Variants in RBFOX1 observed in about 807,000 individuals in gnomAD.
RBFOX1 encodes RNA binding protein fox-1 homolog 1.
Under a neutral mutation model 57.7 loss-of-function variants are expected in RBFOX1, and 8 were observed. The observed-to-expected ratio is 0.14, with a 90% CI of 0.08 to 0.25. The LOEUF (loss-of-function observed/expected upper bound fraction) is 0.25. RBFOX1 is among the 10% of genes least tolerant of loss of function. The pLI, the probability that RBFOX1 is intolerant of heterozygous loss-of-function variation, is 1.00. For synonymous variants in RBFOX1, 326 were observed against 222.4 expected (o/e 1.47, Z -4.15); for missense variants, 611 against 548.5 (o/e 1.11, Z -1.14).
chr16:5,722,592 G>T (rs1156510411), intron 3 of RBFOX1, among the ~76,000 whole-genome samples: 1 of 152,136 alleles, frequency 6.6e-6, no homozygotes, highest in African/African-American at 2.4e-5. Context: ...ATCTTTATCA[G>T]TGAAATCTTT....
chr16:7,144,417 C>CTTTTT lies in RBFOX1; in HGVS notation c.27+92336_27+92340dup, dbSNP rs1190886141. 6.1e-3 allele frequency among the ~76,000 whole-genome samples: 407 copies of CTTTTT among 66,908 alleles called. 5 individuals are homozygous for CTTTTT. Among genetic ancestry groups the CTTTTT allele is most frequent in the African/African-American group, 0.015 (247 of 16,500 alleles). The allele number at this position is 66,908 out of a possible 152,430, so 43.9% of individuals were successfully genotyped here. ...TCTTTTCTCTTTCTTTTTCTTTCTT[C>CTTTTT]TTTTTTTTTTTTTTTTTTTTTGAGT... On this transcript the variant is annotated intron_variant, in intron 4 of 15. Coordinates refer to ENST00000550418, the MANE Select transcript of RBFOX1 (RefSeq NM_018723.4).
intron 4 of RBFOX1, among the ~76,000 whole-genome samples, chr16:5,908,334 G>C (rs62013865): frequency 7.2e-6 from 1 of 138,640 alleles, no homozygotes; most frequent in Non-Finnish European, 1.5e-5. Context: ...ATATATATAT[G>C]TGTGTGTGTG....
chr16:7,459,853 CT>C, intron 4 of RBFOX1, among the ~76,000 whole-genome samples: 1 of 152,258 alleles, frequency 6.6e-6, no homozygotes. Context: ...TTTATTACTA[CT>C]TTTACCCTAC....
At chr16:7,542,607 C>G (rs2083246568) in intron 5 of RBFOX1, among the ~76,000 whole-genome samples, 1 of 149,964 alleles carries the variant, frequency 6.7e-6, no homozygotes, top group African/African-American at 2.5e-5. Flanking sequence ...GTAATCCCAG[C>G]ACTTTGGGAG....
intron 3 of RBFOX1, among the ~76,000 whole-genome samples, chr16:5,607,369 C>G (rs574408171): frequency 1.3e-5 from 2 of 151,598 alleles, no homozygotes; most frequent in East Asian, 1.9e-4. Flanking sequence ...GGACGAAATG[C>G]TAAGTGGCAC....
chr16:6,328,170 C>G (rs1384389827), intron 2 of RBFOX1, among the ~76,000 whole-genome samples: 7 of 152,016 alleles, frequency 4.6e-5, no homozygotes, highest in Non-Finnish European at 5.9e-5. Flanking sequence ...AGACTATTAT[C>G]CTAAGGAAGG....
At chr16:6,503,454 C>T (rs571088638) in intron 2 of RBFOX1, among the ~76,000 whole-genome samples, 22 of 152,292 alleles carry the variant, frequency 1.4e-4, no homozygotes, top group South Asian at 6.2e-4. Context: ...CCTGGGTGGA[C>T]CATGTGGGCT....
intron 4 of RBFOX1, among the ~76,000 whole-genome samples, chr16:5,974,853 A>G (rs1426051205): frequency 6.6e-6 from 1 of 151,952 alleles, no homozygotes; most frequent in African/African-American, 2.4e-5. Context: ...TATTAAAAAT[A>G]CAAAATTAGC....
At chr16:5,766,429 CA>C (rs1220570305) in intron 3 of RBFOX1, among the ~76,000 whole-genome samples, 1 of 151,938 alleles carries the variant, frequency 6.6e-6, no homozygotes, top group East Asian at 1.9e-4. Context: ...TACTAAAATG[CA>C]AAAAATTAGC....
At chr16:7,253,696 G>C (rs1234011921) in intron 4 of RBFOX1, among the ~76,000 whole-genome samples, 2 of 152,074 alleles carry the variant, frequency 1.3e-5, no homozygotes, top group African/African-American at 4.8e-5. Context: ...AGGTGGCCTA[G>C]AAACCCCTAC....
intron 1 of RBFOX1, among the ~76,000 whole-genome samples, chr16:5,278,313 G>C (rs1275864248): frequency 9.2e-5 from 14 of 152,102 alleles, no homozygotes; most frequent in Non-Finnish European, 1.9e-4. Flanking sequence ...TCTGAGTAAT[G>C]TCTATTTTTT....
intron 3 of RBFOX1, among the ~76,000 whole-genome samples, chr16:6,971,319 C>T (rs896993063): frequency 2.0e-5 from 3 of 152,064 alleles, no homozygotes; most frequent in African/African-American, 7.2e-5. Flanking sequence ...ATGTCAGCCA[C>T]AGAAACATCC....
intron 1 of RBFOX1, among the ~76,000 whole-genome samples, chr16:6,069,713 G>A (rs2095812137): frequency 6.6e-6 from 1 of 152,124 alleles, no homozygotes; most frequent in African/African-American, 2.4e-5. Context: ...TTGGCTGGGT[G>A]AGGTGGCTCG....
At chr16:5,916,929 C>T (rs1375515299) in intron 4 of RBFOX1, among the ~76,000 whole-genome samples, 2 of 152,068 alleles carry the variant, frequency 1.3e-5, no homozygotes, top group Non-Finnish European at 2.9e-5. Context: ...TTCAGCTGTG[C>T]GCAGGACGAG....
intron 2 of RBFOX1, among the ~76,000 whole-genome samples, chr16:6,344,614 G>C (rs750477428): frequency 2.4e-4 from 36 of 148,096 alleles, no homozygotes; most frequent in Non-Finnish European, 3.0e-4. Context: ...AGCCAGGATG[G>C]TTTCCATCTC....
chr16:6,147,108 G>A (rs2096764131), intron 1 of RBFOX1, among the ~76,000 whole-genome samples: 2 of 152,154 alleles, frequency 1.3e-5, no homozygotes, highest in African/African-American at 2.4e-5. Flanking sequence ...GAATTTGCAT[G>A]GATAGAGAGC....
chr16:7,046,589 T>A lies in RBFOX1; in HGVS notation c.-15-5468T>A, dbSNP rs141462614. Among the ~76,000 whole-genome samples, 93 of 148,222 alleles carry A rather than the reference T, an allele frequency of 6.3e-4. 1 individual carries two copies. The highest frequency in any genetic ancestry group is 1.9e-3 in the Admixed American group (28 of 14,374). ...CACGTATGCCTCTTTGTTTCTGTAG[T>A]CTTTGTGTTTTATCTTTTTTTTTTT... On this transcript the variant is annotated intron_variant, in intron 3 of 15. Transcript: ENST00000550418.
intron 1 of RBFOX1, among the ~76,000 whole-genome samples, chr16:5,427,798 C>A (rs567382330): frequency 6.6e-6 from 1 of 152,106 alleles, no homozygotes; most frequent in East Asian, 1.9e-4. Context: ...AGAGAGTCAA[C>A]CTGCTGGACT....
intron 3 of RBFOX1, among the ~76,000 whole-genome samples, chr16:6,732,440 G>T (rs2068878869): frequency 6.6e-6 from 1 of 152,210 alleles, no homozygotes; most frequent in Non-Finnish European, 1.5e-5. Flanking sequence ...CCTGCACTGG[G>T]GAGTTTATTG....
Sources: gnomAD v4.1 joint callset for allele counts (sites outside exome capture counted in the v4.1 genomes callset) on GRCh38, gnomAD v4.1.1 for gene constraint, MANE v1.5 for transcripts, NCBI Gene and HGNC (gene_info 2026-07-23, HGNC 2026-07-21) for gene names.